TAS2R1: variants seen among roughly 807,000 people sequenced by gnomAD.
TAS2R1 encodes the protein taste receptor type 2 member 1.
For synonymous variants in TAS2R1, 141 were observed against 134.2 expected (o/e 1.05, Z -0.35); for missense variants, 370 against 353.4 (o/e 1.05, Z -0.38).
the TAS2R1 span, among the ~76,000 whole-genome samples, chr5:9,731,147 C>T: frequency 6.6e-6 from 1 of 152,084 alleles, no homozygotes; most frequent in East Asian, 1.9e-4. Context: ...CCCTGACCTG[C>T]TCGCAGCCAG....
chr5:9,694,610 T>C lies in TAS2R1; in HGVS notation c.-242+17562A>G, dbSNP rs1425061201. Among the ~76,000 whole-genome samples, 4 of 152,346 alleles carry C rather than the reference T, an allele frequency of 2.6e-5. No homozygotes were observed. In the South Asian group the frequency reaches 8.3e-4, roughly 32 times the overall value. ...CCATTTTCTTTCTAATGAGTTTCTA[T>C]GTCTGTTCTTAATTGTAGATCTTTC... On this transcript the variant is annotated intron_variant, in intron 1 of 2. Transcript: ENST00000506620.
chr5:9,753,441 A>G, the TAS2R1 span, among the ~76,000 whole-genome samples: 3 of 151,804 alleles, frequency 2.0e-5, no homozygotes, highest in Non-Finnish European at 4.4e-5. Flanking sequence ...TAGATTCTGG[A>G]TATTAGCCCT....
At chr5:9,893,709 C>T in the TAS2R1 span, among the ~76,000 whole-genome samples, 1 of 152,190 alleles carries the variant, frequency 6.6e-6, no homozygotes, top group African/African-American at 2.4e-5. Flanking sequence ...TATGCAAATA[C>T]CTGTTCACTT....
At chr5:9,724,433 G>A in the TAS2R1 span, among the ~76,000 whole-genome samples, 1 of 147,560 alleles carries the variant, frequency 6.8e-6, no homozygotes, top group Non-Finnish European at 1.5e-5. Flanking sequence ...AACATAAATA[G>A]TATACTTAAC....
chr5:9,672,006 T>C (rs1240339262), intron 1 of TAS2R1, among the ~76,000 whole-genome samples: 1 of 152,132 alleles, frequency 6.6e-6, no homozygotes, highest in East Asian at 1.9e-4. Context: ...CACCAAGTGA[T>C]CTTTGATGAA....
chr5:9,840,906 C>T, the TAS2R1 span, among the ~76,000 whole-genome samples: 2 of 133,388 alleles, frequency 1.5e-5, no homozygotes, highest in African/African-American at 5.8e-5. Context: ...GATGGAGTCT[C>T]ACACTTTCAC....
At chr5:9,720,934 C>T in the TAS2R1 span, among the ~76,000 whole-genome samples, 5 of 152,210 alleles carry the variant, frequency 3.3e-5, no homozygotes, top group African/African-American at 7.2e-5. Flanking sequence ...AGACAGATGC[C>T]TCAGCTGCTG....
At chr5:9,821,351 G>A in the TAS2R1 span, among the ~76,000 whole-genome samples, 8,539 of 152,222 alleles carry the variant, frequency 0.056, 239 homozygotes, top group East Asian at 0.11. Flanking sequence ...GACAGGAACA[G>A]GTATTTCCAT....
chr5:9,631,264 G>A (rs1337591717), upstream of TAS2R1, among the ~76,000 whole-genome samples: 1 of 152,040 alleles, frequency 6.6e-6, no homozygotes, highest in Non-Finnish European at 1.5e-5. Context: ...TTTAGAGACA[G>A]AGTCTTGCTT....
the TAS2R1 span, among the ~76,000 whole-genome samples, chr5:9,819,560 CAT>C: frequency 6.6e-6 from 1 of 152,162 alleles, no homozygotes; most frequent in Non-Finnish European, 1.5e-5. Context: ...AGTGCAGAGA[CAT>C]AATTTCAGCA....
the TAS2R1 span, among the ~76,000 whole-genome samples, chr5:9,861,037 G>GTTTTTTTTTTTTTTTTTTGT: frequency 1.1e-5 from 1 of 88,610 alleles, no homozygotes; most frequent in African/African-American, 4.3e-5. Flanking sequence ...GGAAGATGAG[G>GTTTTTTTTTTTTTTTTTTGT]TTTTTTTTTT....
At chr5:9,675,281 A>G (rs536051719) in intron 1 of TAS2R1, among the ~76,000 whole-genome samples, 1 of 151,672 alleles carries the variant, frequency 6.6e-6, no homozygotes, top group Admixed American at 6.6e-5. Context: ...CCTAATCCCA[A>G]TCAAAATCCC....
At chr5:9,775,904 G>C in the TAS2R1 span, among the ~76,000 whole-genome samples, 1 of 152,208 alleles carries the variant, frequency 6.6e-6, no homozygotes, top group African/African-American at 2.4e-5. Flanking sequence ...GAGCTGAGCT[G>C]CCTGGAGTTG....
At chr5:9,643,366 T>G (rs1455168355) in intron 2 of TAS2R1, among the ~76,000 whole-genome samples, 1 of 152,216 alleles carries the variant, frequency 6.6e-6, no homozygotes, top group Non-Finnish European at 1.5e-5. Flanking sequence ...TGGTAATTAT[T>G]TATTATTTGT....
Position 9,629,626 on chromosome 5 carries a change from T to C in TAS2R1, c.407A>G (p.Tyr136Cys). ...ATGGAAAACACAAATCATAGATACA[T>C]ATAGCAGAGACCCCAGGATCATCCA... ...VPWMILGSLL[Y>C]VSMICVFHSK... The change falls in exon 1 of 1, where the codon TAT becomes TGT. Residue 136 changes from tyrosine to cysteine, a missense_variant. Coordinates refer to ENST00000382492, the MANE Select transcript of TAS2R1 (RefSeq NM_019599.3). 1 of 1,614,138 alleles carries C rather than the reference T, an allele frequency of 6.2e-7. No homozygotes were observed.
At chr5:9,678,627 T>C (rs1198510401) in intron 1 of TAS2R1, among the ~76,000 whole-genome samples, 3 of 152,208 alleles carry the variant, frequency 2.0e-5, no homozygotes, top group Non-Finnish European at 4.4e-5. Context: ...TTATGTCCTT[T>C]GCAGGGACAC....
At chr5:9,872,558 C>T in the TAS2R1 span, among the ~76,000 whole-genome samples, 1 of 152,228 alleles carries the variant, frequency 6.6e-6, no homozygotes, top group Non-Finnish European at 1.5e-5. Flanking sequence ...AAACAGCCCT[C>T]ACACCTTTTA....
chr5:9,705,231 A>G (rs1331881900), intron 1 of TAS2R1, among the ~76,000 whole-genome samples: 1 of 152,190 alleles, frequency 6.6e-6, no homozygotes, highest in African/African-American at 2.4e-5. Flanking sequence ...ATAGACCAAC[A>G]CCAGAAAACT....
upstream of TAS2R1, among the ~76,000 whole-genome samples, chr5:9,716,469 T>C (rs149882592): frequency 1.3e-5 from 2 of 152,204 alleles, no homozygotes; most frequent in Admixed American, 1.3e-4. Context: ...TACAACAATA[T>C]AGTGGGACAA....
Sources: allele counts gnomAD v4.1 joint callset (sites outside exome capture counted in the v4.1 genomes callset), GRCh38; gene constraint gnomAD v4.1.1; transcripts MANE v1.5; gene names NCBI Gene and HGNC (gene_info 2026-07-23, HGNC 2026-07-21).